AHCTF1: variants seen among roughly 807,000 people sequenced by gnomAD.
The protein encoded by AHCTF1 is protein ELYS.
In AHCTF1, 24 loss-of-function variants were observed where a neutral mutation model predicts 248.4. The observed-to-expected ratio is 0.10, with a 90% CI of 0.07 to 0.14. AHCTF1 has a LOEUF of 0.14. AHCTF1 is among the 10% of genes least tolerant of loss of function. The pLI is 1.00. For synonymous variants in AHCTF1, 786 were observed against 929.8 expected, an observed-to-expected ratio of 0.85 and a Z score of 2.81; for missense variants, 2,206 against 2,636.2, an observed-to-expected ratio of 0.84 and a Z score of 3.57.
chr1:246,918,534 G>A (rs533816458), intron 1 of AHCTF1, among the ~76,000 whole-genome samples, 157 bp from the exon 2 acceptor site: 1 of 152,358 alleles, frequency 6.6e-6, no homozygotes, highest in East Asian at 1.9e-4. Context: ...GGAGGCTCAC[G>A]CCTTTAAGTC....
At chr1:246,884,571 C>A (rs1558246406) in intron 21 of AHCTF1, among the ~76,000 whole-genome samples, 1 of 152,174 alleles carries the variant, frequency 6.6e-6, no homozygotes, top group African/African-American at 2.4e-5. Context: ...CAGCTCCAAG[C>A]AATTTCTCCA....
chr1:246,869,063 C>G (rs961423464), intron 24 of AHCTF1, among the ~76,000 whole-genome samples: 7 of 151,640 alleles, frequency 4.6e-5, no homozygotes, highest in East Asian at 3.9e-4. Context: ...CCAGGATGGT[C>G]TCGATCTCCT....
intron 10 of AHCTF1, among the ~76,000 whole-genome samples, chr1:246,899,722 C>CA (rs1201175244): frequency 6.6e-6 from 1 of 151,756 alleles, no homozygotes; most frequent in Admixed American, 6.6e-5. Flanking sequence ...AAACAAAACC[C>CA]AAAAAACTCC....
At chr1:246,852,360 T>A (rs1385119942) in intron 32 of AHCTF1, among the ~76,000 whole-genome samples, 3 of 94,362 alleles carry the variant, frequency 3.2e-5, no homozygotes, top group Non-Finnish European at 7.4e-5. Context: ...CAAATTTCTA[T>A]AAATAATTAG....
intron 32 of AHCTF1, chr1:246,852,131 C>T (rs997465402): frequency 1.3e-5 from 2 of 152,622 alleles, no homozygotes; most frequent in Non-Finnish European, 2.9e-5. Flanking sequence ...CCCACCTAGA[C>T]AATGACATTT....
chr1:246,895,410 G>GGT (rs372843367), intron 13 of AHCTF1, among the ~76,000 whole-genome samples: 4 of 151,906 alleles, frequency 2.6e-5, no homozygotes, highest in African/African-American at 7.3e-5. Flanking sequence ...ATGCGTTTGG[G>GGT]GTGTGTGTGT....
chr1:246,850,197 T>C lies in AHCTF1; in HGVS notation c.5809A>G (p.Arg1937Gly), dbSNP rs1660599523. 6.2e-7 allele frequency: 1 copy of C among 1,613,846 alleles called. No homozygotes were observed. The highest frequency in any genetic ancestry group is 1.3e-5 in the African/African-American group (1 of 74,936). The change falls in exon 33 of 36, where the codon AGG (arginine) becomes GGG (glycine). Residue 1937 changes from arginine to glycine, a missense_variant. By Grantham distance (125) the Arg-to-Gly change is moderately radical. Transcript: ENST00000648844. ...DKQLRIKHVR[R>G]VRGREVSPSD... Reference sequence around the variant, plus strand: ...GGACTAACTTCTCTCCCTCTGACCCTTCTAACATGTTTAATACGCAGCTGC... The same window carrying C: ...GGACTAACTTCTCTCCCTCTGACCCCTCTAACATGTTTAATACGCAGCTGC...
chr1:246,896,822 T>C (rs1488318271), intron 12 of AHCTF1, among the ~76,000 whole-genome samples: 1 of 152,036 alleles, frequency 6.6e-6, no homozygotes, highest in Non-Finnish European at 1.5e-5. Context: ...TAAAAGATGT[T>C]CAAAAAGGAA....
At chr1:246,847,948 C>T (rs1212527723) in intron 33 of AHCTF1, among the ~76,000 whole-genome samples, 2 of 152,046 alleles carry the variant, frequency 1.3e-5, no homozygotes, top group African/African-American at 4.8e-5. Context: ...TTAATAAAAC[C>T]TTAATAAAAT....
intron 33 of AHCTF1, among the ~76,000 whole-genome samples, chr1:246,844,444 G>C (rs1274847822): frequency 6.6e-6 from 1 of 152,230 alleles, no homozygotes; most frequent in Non-Finnish European, 1.5e-5. Flanking sequence ...GAAAGTGCCA[G>C]GTGCAGTGGC....
chr1:246,927,135 G>A (rs1351442888), intron 1 of AHCTF1, among the ~76,000 whole-genome samples: 2 of 150,524 alleles, frequency 1.3e-5, no homozygotes, highest in East Asian at 2.0e-4. Context: ...CCAAGATCGT[G>A]CCACTGCACT....
At chr1:246,884,855 A>G (rs1016487557) in intron 21 of AHCTF1, among the ~76,000 whole-genome samples, 2 of 152,206 alleles carry the variant, frequency 1.3e-5, no homozygotes, top group African/African-American at 4.8e-5. Flanking sequence ...ATTGAAATAC[A>G]AAGAATTCCA....
chr1:246,850,703 G>C lies in AHCTF1; in HGVS notation c.5303C>G (p.Pro1768Arg), dbSNP rs377664267. 2.2e-5 allele frequency: 35 copies of C among 1,613,920 alleles called. No homozygotes were observed. Among genetic ancestry groups the C allele is most frequent in the Non-Finnish European group, 3.0e-5 (35 of 1,179,860 alleles). The change falls in exon 33 of 36, where the codon CCA becomes CGA. Residue 1768 changes from proline to arginine, a missense_variant. Transcript: ENST00000648844. ...ASADVATPKM[P>R]GQSVRKKTRK... Reference sequence around the variant, plus strand: ...AGTTTTCTTCCTGACTGACTGCCCTGGCATCTTAGGAGTAGCAACATCTGC... The same window carrying C: ...AGTTTTCTTCCTGACTGACTGCCCTCGCATCTTAGGAGTAGCAACATCTGC...
chr1:246,898,825 C>T (rs879377607), intron 11 of AHCTF1, among the ~76,000 whole-genome samples: 9 of 152,226 alleles, frequency 5.9e-5, no homozygotes, highest in African/African-American at 1.9e-4. Flanking sequence ...CGGTGGCTCA[C>T]GCTCATAATC....
intron 33 of AHCTF1, among the ~76,000 whole-genome samples, chr1:246,848,211 C>CAACA (rs1235252350): frequency 6.6e-6 from 1 of 151,974 alleles, no homozygotes; most frequent in Admixed American, 6.6e-5. Context: ...TGTATCAGTA[C>CAACA]AACAAGTCAT....
At chr1:246,868,814 T>C (rs1403002994) in intron 24 of AHCTF1, among the ~76,000 whole-genome samples, 2 of 151,180 alleles carry the variant, frequency 1.3e-5, no homozygotes, top group South Asian at 2.1e-4. Context: ...CCTCATTTTA[T>C]TGTGCTTTGC....
At chr1:246,919,131 T>C (rs1666347000) in intron 1 of AHCTF1, among the ~76,000 whole-genome samples, 1 of 152,188 alleles carries the variant, frequency 6.6e-6, no homozygotes, top group South Asian at 2.1e-4. Context: ...CCATCTGAGT[T>C]GGTTAGCTAT....
Position 246,931,315 on chromosome 1 carries a change from G to C in AHCTF1, c.-8+263C>G, listed in dbSNP as rs776797004. ...GCGCAGGACGCGAACCACCAGCGCC[G>C]CTCCGCCGCCATGTGCCGCCGCTCC... On this transcript the variant is annotated intron_variant, in intron 1 of 35. Coordinates refer to ENST00000648844, the MANE Select transcript of AHCTF1 (RefSeq NM_001323342.2). The C allele has an allele frequency of 7.0e-5, 109 of 1,546,440 alleles. No homozygotes were observed. The South Asian group carries it at 1.1e-3, about 16-fold the overall frequency.
rs569996751 is a variant in AHCTF1, at chr1:246,913,253, G to C, written c.535C>G (p.Gln179Glu). The C allele has an allele frequency of 2.1e-5, 34 of 1,604,326 alleles. 1 individual carries two copies. In the Middle Eastern group the frequency reaches 7.7e-4, roughly 36 times the overall value. ...TTACCTGATGCTTCAACTTCATTTTGATTGCATGACAAGTCATCCAAACAT... is the reference window on the plus strand; with the variant it reads ...TTACCTGATGCTTCAACTTCATTTTCATTGCATGACAAGTCATCCAAACAT... The part of the protein sequence containing the change: ...DLCLDDLSCN[Q>E]NEVEASDLEV... The change falls in exon 4 of 36, where the codon CAA becomes GAA. Residue 179 changes from glutamine (Q) to glutamate (E), a missense_variant. Around this residue, in one of 6 missense-constraint regions of AHCTF1, gnomAD observed 650 missense variants for 870.8 expected, o/e 0.75. Coordinates refer to ENST00000648844, the MANE Select transcript of AHCTF1 (RefSeq NM_001323342.2).
Sources: allele counts gnomAD v4.1 joint callset (sites outside exome capture counted in the v4.1 genomes callset), GRCh38; gene constraint gnomAD v4.1.1; regional missense constraint gnomAD v4.1.1; transcripts MANE v1.5; gene names NCBI Gene and HGNC (gene_info 2026-07-23, HGNC 2026-07-21).